Variants in THBS1 observed in about 807,000 individuals in gnomAD.
The protein encoded by THBS1 is thrombospondin-1.
Under a neutral mutation model 126.1 loss-of-function variants are expected in THBS1, and 29 were observed. The observed-to-expected ratio is 0.23, with a 90% CI of 0.17 to 0.31. The LOEUF (loss-of-function observed/expected upper bound fraction) is 0.31. Ranked by LOEUF, THBS1 falls within the 10% of genes least tolerant of loss-of-function variation. The probability of loss-of-function intolerance (pLI) is 1.00; values close to 1 mark genes in which losing one functional copy is unlikely to be tolerated. For missense variants in THBS1, 1,198 were observed against 1,545.2 expected (o/e 0.78, Z 3.77); for synonymous variants, 496 against 577.8 (o/e 0.86, Z 2.03).
chr15:39,588,501 T>C (rs1210632687), intron 9 of THBS1, 25 bp from the exon 10 acceptor site: 5 of 1,528,718 alleles, frequency 3.3e-6, no homozygotes, highest in Non-Finnish European at 3.5e-6. Context: ...ATCTTAATTG[T>C]TGCCTGTGGT....
rs756224876 is a variant in THBS1, at chr15:39,591,214, C to T, written c.2277C>T (p.Asn759=). 1.2e-6 allele frequency: 2 copies of T among 1,614,042 alleles called. No homozygotes were observed. Among genetic ancestry groups the T allele is most frequent in the African/African-American group, 2.7e-5 (2 of 74,926 alleles). ...DDRDNCPFHY[N]PAQYDYDRDD... is the part of the protein sequence containing the mutation. ...AGGACAACTGTCCATTCCATTACAA[C>T]CCAGCTCAGTATGACTATGACAGAG... The change falls in exon 15 of 22, where the codon AAC becomes AAT. Residue 759 remains asparagine, a synonymous_variant. Coordinates refer to ENST00000260356, the MANE Select transcript of THBS1 (RefSeq NM_003246.4).
Position 39,585,622 on chromosome 15 carries a change from C to T in THBS1, c.1120+59C>T. 8 of 1,515,594 alleles carry T rather than the reference C, an allele frequency of 5.3e-6. No individual in the cohort carries two copies. The South Asian group carries it at 9.0e-5, about 17-fold the overall frequency. The allele number at this position is 1,515,594 out of a possible 1,614,324, so 93.9% of individuals were successfully genotyped here. A position where few individuals can be genotyped will look rare whatever the true frequency, so the allele number is the denominator to read the frequency against. On this transcript the variant is annotated intron_variant, in intron 7 of 21. Coordinates refer to ENST00000260356, the MANE Select transcript of THBS1 (RefSeq NM_003246.4). ...TGACTAGGTCAGTTCTACATACATCCTAGACAGCCGAGCACAACACTGGAA... is the reference window on the plus strand; with the variant it reads ...TGACTAGGTCAGTTCTACATACATCTTAGACAGCCGAGCACAACACTGGAA...
intron 5 of THBS1, 33 bp from the exon 6 acceptor site, chr15:39,584,267 G>C (rs367765799): frequency 5.6e-6 from 9 of 1,613,966 alleles, no homozygotes; most frequent in African/African-American, 5.3e-5. Flanking sequence ...CTGAAAATGC[G>C]GGGGGACACT....
At position 39,592,501 on chromosome 15, in the gene THBS1, G is replaced by A; in HGVS notation, c.2533-67G>A. 8 of 1,320,258 alleles carry A rather than the reference G, an allele frequency of 6.1e-6. No individual in the cohort carries two copies. Among genetic ancestry groups the A allele is most frequent in the Non-Finnish European group, 8.4e-6 (8 of 953,758 alleles). The allele number at this position is 1,320,258 out of a possible 1,614,324, so 81.8% of individuals were successfully genotyped here. A position where few individuals can be genotyped will look rare whatever the true frequency, so the allele number is the denominator to read the frequency against. On this transcript the variant is annotated intron_variant, in intron 16 of 21. Coordinates refer to ENST00000260356, the MANE Select transcript of THBS1 (RefSeq NM_003246.4). The surrounding 1 kb of genome is among the most constrained non-coding windows in gnomAD (Gnocchi z 4.3). The stretch of plus-strand genomic sequence containing the variant: ...ATGGAGAATTTTCCCTGTGGTGGGG[G>A]CATAAGTTATCTTTAACATGAATGG...
Position 39,589,219 on chromosome 15 carries a change from T to A in THBS1, c.1791T>A (p.Asp597Glu), listed in dbSNP as rs748658411. ...TDVDECKEVPDACFNHNGEHR... is the reference protein window; with the variant it reads ...TDVDECKEVPEACFNHNGEHR... ...CTCCATAGTGCAAAGAAGTGCCTGA[T>A]GCCTGCTTCAACCACAATGGAGAGC... is the stretch of plus-strand genomic sequence containing the variant. Residue 597 changes from aspartate to glutamate, a missense_variant, in exon 12 of 22, where the codon GAT becomes GAA. This residue lies in a region of THBS1 where 663 missense variants were observed against 860.1 expected (regional missense o/e 0.77). Transcript: ENST00000260356. The surrounding 1 kb of genome is among the most constrained non-coding windows in gnomAD (Gnocchi z 4.7). 1.2e-6 allele frequency: 2 copies of A among 1,614,188 alleles called. No homozygotes were observed. The highest frequency in any genetic ancestry group is 2.2e-5 in the South Asian group (2 of 91,080).
rs746531366 is a variant in THBS1, at chr15:39,597,629, G to A, written c.*2260G>A. 7.2e-5 allele frequency: 11 copies of A among 152,170 alleles called. No homozygotes were observed. The East Asian group carries it at 9.6e-4, about 13-fold the overall frequency. The allele number at this position is 152,170 out of a possible 1,614,324, so 9.4% of individuals were successfully genotyped here. On this transcript the variant is annotated 3_prime_UTR_variant, in exon 22 of 22. Transcript: ENST00000260356. ...GATTGAGAAAGACTGAGTTGCTCAG[G>A]CCTAGGCTTAGAATTTGCTGCGTTT...
At position 39,594,115 on chromosome 15, in the gene THBS1, A is replaced by G; in HGVS notation, c.3284A>G (p.His1095Arg). 2 of 1,614,032 alleles carry G rather than the reference A, an allele frequency of 1.2e-6. No individual in the cohort carries two copies. Among genetic ancestry groups the G allele is most frequent in the Non-Finnish European group, 1.7e-6 (2 of 1,179,962 alleles). ...NTPGQVRTLWHDPRHIGWKDF... is the reference protein window; with the variant it reads ...NTPGQVRTLWRDPRHIGWKDF... ...TTCCTTCAGGTGCGCACCCTGTGGC[A>G]TGACCCTCGTCACATAGGCTGGAAA... The change falls in exon 20 of 22, where the codon CAT (histidine) becomes CGT (arginine). Residue 1095 changes from histidine to arginine, a missense_variant. His to Arg is a conservative substitution (Grantham distance 29, BLOSUM62 0). Transcript: ENST00000260356. The surrounding 1 kb of genome is among the most constrained non-coding windows in gnomAD (Gnocchi z 4.4).
Position 39,593,108 on chromosome 15 carries a change from G to A in THBS1, c.2876G>A (p.Arg959Gln), listed in dbSNP as rs562056645. 8.2e-5 allele frequency: 131 copies of A among 1,596,932 alleles called. 1 individual carries two copies. The East Asian group carries it at 2.2e-3, about 26-fold the overall frequency. Residue 959 changes from arginine to glutamine, a missense_variant, in exon 18 of 22, where the codon CGA becomes CAA. Physicochemically the swap from Arg to Gln is conservative, Grantham distance 43. Coordinates refer to ENST00000260356, the MANE Select transcript of THBS1 (RefSeq NM_003246.4). The surrounding 1 kb of genome is among the most constrained non-coding windows in gnomAD (Gnocchi z 5.9). ...NVDISETDFR[R>Q]FQMIPLDPKG... ...GACATCAGTGAGACCGATTTCCGCC[G>A]ATTCCAGATGATTCCTCTGGACCCC...
intron 3 of THBS1, 23 bp downstream of exon 3, chr15:39,582,775 T>C: frequency 1.3e-6 from 2 of 1,580,842 alleles, no homozygotes; most frequent in Non-Finnish European, 1.7e-6. Flanking sequence ...CTCTGAGCCC[T>C]GCTCCGTGGG....
chr15:39,587,252 C>T (rs1294822711), intron 7 of THBS1, 95 bp from the exon 8 acceptor site: 18 of 1,255,196 alleles, frequency 1.4e-5, no homozygotes, highest in Non-Finnish European at 1.9e-5. Context: ...TATTGCTTTT[C>T]ACCCTCTGGC....
At position 39,590,542 on chromosome 15, in the gene THBS1, A is replaced by C. The variant is rs1488806819; in HGVS notation, c.2172A>C (p.Ser724=). The C allele has an allele frequency of 7.4e-6, 12 of 1,613,604 alleles. No individual in the cohort carries two copies. The Admixed American group carries it at 1.7e-4, about 22-fold the overall frequency. The change falls in exon 14 of 22, where the codon TCA becomes TCC. Residue 724 remains serine (S), a synonymous_variant. Coordinates refer to ENST00000260356, the MANE Select transcript of THBS1 (RefSeq NM_003246.4). ...KKDNCPNLPN[S]GQEDYDKDGI... Reference sequence around the variant, plus strand: ...ATAATTGCCCCAACCTTCCCAACTCAGGGCAGGAAGACTATGACAAGGATG... The same window carrying C: ...ATAATTGCCCCAACCTTCCCAACTCCGGGCAGGAAGACTATGACAAGGATG...
chr15:39,585,657 C>T (rs1441705779), intron 7 of THBS1, 94 bp downstream of exon 7: 1 of 1,125,246 alleles, frequency 8.9e-7, no homozygotes, highest in African/African-American at 1.5e-5. Context: ...ACCCCACCCC[C>T]ATCTCCATCA....
chr15:39,587,527 A>G lies in THBS1; in HGVS notation c.1294+7A>G. ...CAGGAGTGTGACAAGAGATGTAAGC[A>G]TCTTAGCCTCTCAGGGACGTGGAGA... is the stretch of plus-strand genomic sequence containing the variant. On this transcript the variant is annotated splice_region_variant and intron_variant, in intron 8 of 21. Coordinates refer to ENST00000260356, the MANE Select transcript of THBS1 (RefSeq NM_003246.4). The G allele has an allele frequency of 6.2e-7, 1 of 1,606,978 alleles. No homozygotes were observed. The highest frequency in any genetic ancestry group is 8.5e-7 in the Non-Finnish European group (1 of 1,175,110).
At chr15:39,583,717 C>T (rs373659853) in intron 4 of THBS1, 25 bp downstream of exon 4, 3 of 1,602,790 alleles carry the variant, frequency 1.9e-6, no homozygotes, top group Non-Finnish European at 1.7e-6. Flanking sequence ...ATTTTTAGGG[C>T]ACATAGGGAA....
At chr15:39,583,943 T>A (rs992933398) in intron 4 of THBS1, 45 bp from the exon 5 acceptor site, 1 of 1,603,658 alleles carries the variant, frequency 6.2e-7, no homozygotes, top group African/African-American at 1.3e-5. Context: ...AAGAGGCTGG[T>A]TGGTAAGAGT....
In THBS1 at chr15:39,596,782, A is replaced by G. The variant is rs1369310540; in HGVS notation, c.*1413A>G. On this transcript the variant is annotated 3_prime_UTR_variant, in exon 22 of 22. Coordinates refer to ENST00000260356, the MANE Select transcript of THBS1 (RefSeq NM_003246.4). Reference sequence around the variant, plus strand: ...GAGGTCTTCAATACTGTTTTACCCCATCCCTTGTGCATATTTCCAGGGAGA... The same window carrying G: ...GAGGTCTTCAATACTGTTTTACCCCGTCCCTTGTGCATATTTCCAGGGAGA... The G allele has an allele frequency of 6.6e-6, 1 of 152,190 alleles. No homozygotes were observed. Among genetic ancestry groups the G allele is most frequent in the Non-Finnish European group, 1.5e-5 (1 of 68,030 alleles). 9.4% of individuals were successfully genotyped at this position (152,190 alleles called of 1,614,324 possible).
In THBS1 at chr15:39,594,451, C is replaced by T. The variant is rs1186757797; in HGVS notation, c.3505+11C>T. 2 of 1,613,172 alleles carry T rather than the reference C, an allele frequency of 1.2e-6. No individual in the cohort carries two copies. The highest frequency in any genetic ancestry group is 3.3e-5 in the Admixed American group (2 of 59,966). On this transcript the variant is annotated intron_variant, in intron 21 of 21. Coordinates refer to ENST00000260356, the MANE Select transcript of THBS1 (RefSeq NM_003246.4). This position sits in a 1 kb window ranked among gnomAD's most constrained non-coding sequence, Gnocchi z 4.4. ...AATACGAATGTAGAGGTAAGAGCAACATCACCATGAATGTACACTGGACAT... is the reference window on the plus strand; with the variant it reads ...AATACGAATGTAGAGGTAAGAGCAATATCACCATGAATGTACACTGGACAT...
In THBS1 at chr15:39,593,121, T is replaced by C; in HGVS notation, c.2889T>C (p.Ile963=). 2 of 1,599,086 alleles carry C rather than the reference T, an allele frequency of 1.3e-6. No individual in the cohort carries two copies. Among genetic ancestry groups the C allele is most frequent in the Non-Finnish European group, 1.7e-6 (2 of 1,173,516 alleles). Residue 963 remains isoleucine (I), a synonymous_variant, in exon 18 of 22, where the codon ATT becomes ATC. Coordinates refer to ENST00000260356, the MANE Select transcript of THBS1 (RefSeq NM_003246.4). This position sits in a 1 kb window ranked among gnomAD's most constrained non-coding sequence, Gnocchi z 5.9. ...CCGATTTCCGCCGATTCCAGATGAT[T>C]CCTCTGGACCCCAAAGGGACATCCC... The part of the protein sequence containing the change: ...SETDFRRFQM[I]PLDPKGTSQN...
Position 39,582,285 on chromosome 15 carries a change from C to A in THBS1, c.160C>A (p.Pro54Thr). 1 of 1,614,212 alleles carries A rather than the reference C, an allele frequency of 6.2e-7. No individual in the cohort carries two copies. The highest frequency in any genetic ancestry group is 8.5e-7 in the Non-Finnish European group (1 of 1,180,038). ...SGRRLVKGPD[P>T]SSPAFRIEDA... Reference sequence around the variant, plus strand: ...GCGCCGACTGGTGAAGGGCCCCGACCCTTCCAGCCCAGCTTTCCGCATCGA... The same window carrying A: ...GCGCCGACTGGTGAAGGGCCCCGACACTTCCAGCCCAGCTTTCCGCATCGA... The change falls in exon 3 of 22, where the codon CCT (proline) becomes ACT (threonine). Residue 54 changes from proline (P) to threonine (T), a missense_variant. By Grantham distance (38) the Pro-to-Thr change is conservative. Transcript: ENST00000260356.
Sources: gnomAD v4.1 joint callset for allele counts on GRCh38, gnomAD v4.1.1 for gene constraint, gnomAD v4.1.1 regional missense constraint, Gnocchi (gnomAD v3.1) non-coding constraint, MANE v1.5 for transcripts, NCBI Gene and HGNC (gene_info 2026-07-23, HGNC 2026-07-21) for gene names.